SEMA5A: variants seen among roughly 807,000 people sequenced by gnomAD.
SEMA5A encodes semaphorin 5A, also known as semaphorin-5A.
A neutral mutation model predicts 135.5 loss-of-function variants in SEMA5A; 55 were observed. The observed-to-expected ratio is 0.41, with a 90% confidence interval of 0.33 to 0.51. SEMA5A has a LOEUF of 0.51. Among genes scored for constraint, SEMA5A ranks in the 20% least tolerant of loss-of-function variants. SEMA5A has a pLI of 0.37. For synonymous variants in SEMA5A, 580 were observed against 546.5 expected (o/e 1.06, Z -0.85); for missense variants, 1,290 against 1,419.9 (o/e 0.91, Z 1.47).
At chr5:9,060,574 G>T (rs1430508496) in intron 18 of SEMA5A, among the ~76,000 whole-genome samples, 4 of 152,066 alleles carry the variant, frequency 2.6e-5, no homozygotes, top group Non-Finnish European at 5.9e-5. Flanking sequence ...GGGGCTGTGG[G>T]AAAGAACAGT....
In SEMA5A at chr5:9,062,928, G is replaced by T. The variant is rs977105448; in HGVS notation, c.2477C>A (p.Pro826Gln). The T allele has an allele frequency of 3.1e-6, 5 of 1,614,092 alleles. No individual in the cohort carries two copies. The African/African-American group carries it at 6.7e-5, about 22-fold the overall frequency. ...PKYGGMPCLG[P>Q]SLEYQECNIL... is the part of the protein sequence containing the mutation. ...GTTGCATTCCTGGTATTCCAGAGAT[G>T]GGCCAAGGCAAGGCATTCCCCCATA... Residue 826 changes from proline (P) to glutamine (Q), a missense_variant, in exon 18 of 23, where the codon CCA (proline) becomes CAA (glutamine). Around this residue, in one of 3 missense-constraint regions of SEMA5A, gnomAD observed 1,029 missense variants for 1,086.6 expected, o/e 0.95. Coordinates refer to ENST00000382496, the MANE Select transcript of SEMA5A (RefSeq NM_003966.3).
At chr5:9,127,143 A>C (rs1401256957) in intron 13 of SEMA5A, among the ~76,000 whole-genome samples, 2 of 152,230 alleles carry the variant, frequency 1.3e-5, no homozygotes, top group African/African-American at 4.8e-5. Flanking sequence ...AAATTACATA[A>C]AACAGGTTAG....
chr5:9,387,053 T>C lies in SEMA5A; in HGVS notation c.-77-7030A>G, dbSNP rs141972641. Among the ~76,000 whole-genome samples, 256 of 152,330 alleles carry C rather than the reference T, an allele frequency of 1.7e-3. 4 individuals carry two copies. Among genetic ancestry groups the C allele is most frequent in the African/African-American group, 5.5e-3 (230 of 41,572 alleles). On this transcript the variant is annotated intron_variant, in intron 2 of 22. Coordinates refer to ENST00000382496, the MANE Select transcript of SEMA5A (RefSeq NM_003966.3). ...GAGAAGGCTATGGGCTCAGAGAGAT[T>C]AAACAGTGCATGTGAGATCAAAGGT...
intron 1 of SEMA5A, among the ~76,000 whole-genome samples, chr5:9,455,264 T>A (rs976820954): frequency 1.9e-4 from 29 of 151,366 alleles, no homozygotes; most frequent in African/African-American, 7.3e-5. Context: ...TTTATTTTTT[T>A]TTTTTTTTTG....
chr5:9,309,105 G>T (rs1344667801), intron 5 of SEMA5A, among the ~76,000 whole-genome samples: 1 of 152,158 alleles, frequency 6.6e-6, no homozygotes, highest in Non-Finnish European at 1.5e-5. Flanking sequence ...AATCCTGGCA[G>T]AGAATTCAGG....
chr5:9,530,624 GATTA>G (rs1199974935), intron 1 of SEMA5A, among the ~76,000 whole-genome samples: 4 of 152,158 alleles, frequency 2.6e-5, no homozygotes, highest in African/African-American at 9.7e-5. Flanking sequence ...AAGGAGAAAT[GATTA>G]ATTAATTGCA....
At chr5:9,313,724 G>T (rs965804834) in intron 5 of SEMA5A, among the ~76,000 whole-genome samples, 1 of 152,182 alleles carries the variant, frequency 6.6e-6, no homozygotes, top group Non-Finnish European at 1.5e-5. Flanking sequence ...CACAGAATGG[G>T]TTACAAAGAG....
At chr5:9,137,118 C>A (rs548551009) in intron 12 of SEMA5A, among the ~76,000 whole-genome samples, 2 of 152,248 alleles carry the variant, frequency 1.3e-5, no homozygotes, top group South Asian at 4.2e-4. Context: ...TAATCATCAT[C>A]GTTATTACCA....
intron 16 of SEMA5A, among the ~76,000 whole-genome samples, chr5:9,098,540 T>C (rs1739452731): frequency 6.6e-6 from 1 of 152,214 alleles, no homozygotes; most frequent in African/African-American, 2.4e-5. Flanking sequence ...TGTTTTTAAA[T>C]AAACTTCTAT....
At position 9,053,074 on chromosome 5, in the gene SEMA5A, G is replaced by A. The variant is rs112489523; in HGVS notation, c.2689+1013C>T. Among the ~76,000 whole-genome samples the A allele has an allele frequency of 1.5e-4, 23 of 152,330 alleles. 1 individual carries two copies. Among genetic ancestry groups the A allele is most frequent in the Admixed American group, 6.5e-4 (10 of 15,294 alleles). ...TATACATAGAACCTTCTAGAAAGAT[G>A]TGCAGGAGCAAGCTAAAAAAAATTG... is the stretch of plus-strand genomic sequence containing the variant. On this transcript the variant is annotated intron_variant, in intron 19 of 22. Coordinates refer to ENST00000382496, the MANE Select transcript of SEMA5A (RefSeq NM_003966.3).
At chr5:9,228,505 C>T (rs928766003) in intron 6 of SEMA5A, among the ~76,000 whole-genome samples, 2 of 152,168 alleles carry the variant, frequency 1.3e-5, no homozygotes, top group Non-Finnish European at 2.9e-5. Flanking sequence ...ACATGTTACT[C>T]TGAATGTGAA....
chr5:9,061,676 A>G (rs565136964), intron 18 of SEMA5A, among the ~76,000 whole-genome samples: 9 of 152,296 alleles, frequency 5.9e-5, no homozygotes, highest in African/African-American at 2.2e-4. Context: ...TGTCAGAGCA[A>G]AAGCCCTGGG....
At chr5:9,124,872 C>T (rs1741019007) in intron 13 of SEMA5A, among the ~76,000 whole-genome samples, 1 of 152,204 alleles carries the variant, frequency 6.6e-6, no homozygotes, top group Non-Finnish European at 1.5e-5. Flanking sequence ...CAGCTGGCTG[C>T]ACCCCTCCTC....
At position 9,236,434 on chromosome 5, in the gene SEMA5A, C is replaced by T. The variant is rs185437545; in HGVS notation, c.333+1394G>A. Among the ~76,000 whole-genome samples the T allele has an allele frequency of 7.2e-5, 11 of 152,132 alleles. No individual in the cohort carries two copies. In the South Asian group the frequency reaches 1.5e-3, roughly 20 times the overall value. ...TGACCAGTGAAGTGGGGCCGAGGGC[C>T]GAGCCACACAACCCCCACATTGAGA... On this transcript the variant is annotated intron_variant, in intron 6 of 22. Transcript: ENST00000382496.
chr5:9,128,505 A>G (rs931380370), intron 13 of SEMA5A, among the ~76,000 whole-genome samples: 2 of 152,206 alleles, frequency 1.3e-5, no homozygotes, highest in Non-Finnish European at 2.9e-5. Context: ...GAGAAGGCCT[A>G]GGGAATCAAA....
chr5:9,515,938 C>T (rs1283981496), intron 1 of SEMA5A, among the ~76,000 whole-genome samples: 3 of 152,184 alleles, frequency 2.0e-5, no homozygotes, highest in Non-Finnish European at 4.4e-5. Context: ...GAAAGTGGGA[C>T]AGGGACACTT....
At position 9,190,296 on chromosome 5, in the gene SEMA5A, G is replaced by A. The variant is rs1301845773; in HGVS notation, c.1244C>T (p.Ala415Val). 11 of 1,613,958 alleles carry A rather than the reference G, an allele frequency of 6.8e-6. No individual in the cohort carries two copies. Among genetic ancestry groups the A allele is most frequent in the Middle Eastern group, 3.3e-4 (2 of 6,076 alleles). Reference sequence around the variant, plus strand: ...GGCCAAATAGATGATGTGGACGAGCGCTTCTCTGCCCTGCACCACGTCGAC... The same window carrying A: ...GGCCAAATAGATGATGTGGACGAGCACTTCTCTGCCCTGCACCACGTCGAC... ...VAVDVVQGRE[A>V]LVHIIYLATD... Residue 415 changes from alanine to valine, a missense_variant, in exon 11 of 23, where the codon GCG becomes GTG. Coordinates refer to ENST00000382496, the MANE Select transcript of SEMA5A (RefSeq NM_003966.3).
chr5:9,097,379 G>A (rs1253197229), intron 16 of SEMA5A, among the ~76,000 whole-genome samples: 2 of 152,200 alleles, frequency 1.3e-5, no homozygotes. Context: ...TTAATACTAT[G>A]ATGTATGCAG....
intron 16 of SEMA5A, among the ~76,000 whole-genome samples, chr5:9,096,040 G>C (rs956864476): frequency 6.6e-6 from 1 of 152,192 alleles, no homozygotes; most frequent in Non-Finnish European, 1.5e-5. Context: ...AAGACGGCTA[G>C]TAGGGTCCTA....
Sources: allele counts gnomAD v4.1 joint callset (sites outside exome capture counted in the v4.1 genomes callset), GRCh38; gene constraint gnomAD v4.1.1; regional missense constraint gnomAD v4.1.1; transcripts MANE v1.5; gene names NCBI Gene and HGNC (gene_info 2026-07-23, HGNC 2026-07-21).